SRPK2: variants seen among roughly 807,000 people sequenced by gnomAD.
The protein encoded by SRPK2 is SFRS protein kinase 2.
Under a neutral mutation model 90.8 loss-of-function variants are expected in SRPK2, and 21 were observed. That is an observed-to-expected ratio of 0.23 (90% CI 0.16 to 0.33). SRPK2 has a LOEUF of 0.33. SRPK2 is among the 10% of genes least tolerant of loss of function. SRPK2 has a pLI of 1.00. For synonymous variants in SRPK2, 288 were observed against 311.1 expected, an observed-to-expected ratio of 0.93 and a Z score of 0.78; for missense variants, 620 against 869.0, an observed-to-expected ratio of 0.71 and a Z score of 3.60.
intron 2 of SRPK2, among the ~76,000 whole-genome samples, chr7:105,338,031 A>G (rs1199121608): frequency 6.6e-6 from 1 of 151,848 alleles, no homozygotes; most frequent in Non-Finnish European, 1.5e-5. Flanking sequence ...TCAGTTTCTA[A>G]GTCTGAAGTT....
intron 2 of SRPK2, among the ~76,000 whole-genome samples, chr7:105,359,230 C>T (rs986096346): frequency 8.0e-5 from 11 of 136,696 alleles, no homozygotes; most frequent in African/African-American, 2.7e-4. Context: ...GCGATCTTGG[C>T]TCACTGCAAC....
chr7:105,293,669 C>T (rs1402404403), intron 2 of SRPK2, among the ~76,000 whole-genome samples: 12 of 152,076 alleles, frequency 7.9e-5, no homozygotes, highest in African/African-American at 1.4e-4. Context: ...ATCTACCCAC[C>T]TCAGCCTCCC....
intron 2 of SRPK2, among the ~76,000 whole-genome samples, chr7:105,296,974 C>G (rs1173297600): frequency 6.6e-6 from 1 of 152,142 alleles, no homozygotes; most frequent in East Asian, 1.9e-4. Context: ...CATACTGCCT[C>G]TCATAATATT....
upstream of SRPK2, chr7:105,389,138 G>A (rs1822045285): frequency 2.1e-6 from 2 of 959,582 alleles, no homozygotes; most frequent in Non-Finnish European, 2.4e-6. Flanking sequence ...CCCGCGGCCC[G>A]GGCCTCCGCC....
At position 105,370,681 on chromosome 7, in the gene SRPK2, T is replaced by C. The variant is rs2132436091; in HGVS notation, c.71+17967A>G. ...CCCAGGCTGGAGTGCAGTGGCACCA[T>C]CTCGGCTCACTGCAACCTCTGCCTC... On this transcript the variant is annotated intron_variant, in intron 2 of 15. Coordinates refer to ENST00000393651, the MANE Select transcript of SRPK2 (RefSeq NM_182692.3). Among the ~76,000 whole-genome samples the C allele has an allele frequency of 1.4e-5, 2 of 146,478 alleles. 1 individual carries two copies. Among genetic ancestry groups the C allele is most frequent in the African/African-American group, 5.0e-5 (2 of 40,030 alleles).
chr7:105,136,173 C>G (rs948357656), intron 11 of SRPK2, among the ~76,000 whole-genome samples: 4 of 152,222 alleles, frequency 2.6e-5, no homozygotes, highest in Non-Finnish European at 5.9e-5. Context: ...TAAACAGTTA[C>G]TTAGCTTCTG....
intron 2 of SRPK2, among the ~76,000 whole-genome samples, chr7:105,343,487 T>A (rs1344884265): frequency 6.6e-6 from 1 of 152,144 alleles, no homozygotes; most frequent in Non-Finnish European, 1.5e-5. Flanking sequence ...ACTTTAGCAG[T>A]AATGGAGTCT....
At chr7:105,290,733 G>C (rs1563199417) in intron 2 of SRPK2, among the ~76,000 whole-genome samples, 1 of 151,940 alleles carries the variant, frequency 6.6e-6, no homozygotes, top group Non-Finnish European at 1.5e-5. Context: ...AATTTAGAAT[G>C]ACTTTGCCAA....
At chr7:105,324,274 T>C (rs1372876659) in intron 2 of SRPK2, among the ~76,000 whole-genome samples, 3 of 151,920 alleles carry the variant, frequency 2.0e-5, no homozygotes, top group Admixed American at 6.6e-5. Context: ...CCCAAAGTGC[T>C]GGGATTACAG....
Position 105,303,262 on chromosome 7 carries a change from A to G in SRPK2, c.71+85386T>C, listed in dbSNP as rs373877945. On this transcript the variant is annotated intron_variant, in intron 2 of 15. Transcript: ENST00000393651. Reference sequence around the variant, plus strand: ...TCTCACTCATAGGTGGGAATTGAACAATGAGAACACTTGGACACAGGGCGG... The same window carrying G: ...TCTCACTCATAGGTGGGAATTGAACGATGAGAACACTTGGACACAGGGCGG... Among the ~76,000 whole-genome samples, 253 of 152,248 alleles carry G rather than the reference A, an allele frequency of 1.7e-3. 2 individuals carry two copies. The highest frequency in any genetic ancestry group is 3.1e-3 in the Non-Finnish European group (214 of 68,018).
intron 2 of SRPK2, among the ~76,000 whole-genome samples, chr7:105,387,475 T>C (rs947238643): frequency 3.9e-5 from 6 of 152,000 alleles, no homozygotes; most frequent in Non-Finnish European, 7.4e-5. Flanking sequence ...TTCAACTCTT[T>C]AGGAAGTGCT....
chr7:105,303,994 C>A (rs147769141), intron 2 of SRPK2, among the ~76,000 whole-genome samples: 1 of 152,182 alleles, frequency 6.6e-6, no homozygotes, highest in Non-Finnish European at 1.5e-5. Flanking sequence ...CAAAAGTTTT[C>A]ATTACGACCT....
At chr7:105,258,413 G>T (rs1803668517) in intron 2 of SRPK2, among the ~76,000 whole-genome samples, 1 of 59,504 alleles carries the variant, frequency 1.7e-5, no homozygotes, top group African/African-American at 8.4e-5. Flanking sequence ...GCGAAACTCG[G>T]TCTCAAAAAA....
Position 105,232,155 on chromosome 7 carries a change from C to A in SRPK2, c.72-28370G>T, listed in dbSNP as rs148262746. ...CAAGGCATGAGCCACCACACCCAGA[C>A]TAAAATTTATTTTTAAGATCAAGTT... On this transcript the variant is annotated intron_variant, in intron 2 of 15. Transcript: ENST00000393651. Among the ~76,000 whole-genome samples, 111 of 152,288 alleles carry A rather than the reference C, an allele frequency of 7.3e-4. 1 individual carries two copies. The highest frequency in any genetic ancestry group is 2.5e-3 in the African/African-American group (105 of 41,558).
At chr7:105,317,304 A>G (rs1223656607) in intron 2 of SRPK2, among the ~76,000 whole-genome samples, 1 of 152,230 alleles carries the variant, frequency 6.6e-6, no homozygotes, top group Admixed American at 6.5e-5. Context: ...TGCCAGGTTC[A>G]TGTAAGGATG....
intron 2 of SRPK2, among the ~76,000 whole-genome samples, chr7:105,295,837 T>C (rs1333482529): frequency 6.6e-6 from 1 of 152,188 alleles, no homozygotes. Flanking sequence ...TGGATAACAT[T>C]AGACACACAG....
At chr7:105,267,986 T>G (rs564907251) in intron 2 of SRPK2, among the ~76,000 whole-genome samples, 1 of 152,308 alleles carries the variant, frequency 6.6e-6, no homozygotes, top group East Asian at 1.9e-4. Flanking sequence ...AATCTCAATT[T>G]AAGACATCAT....
intron 2 of SRPK2, among the ~76,000 whole-genome samples, chr7:105,210,528 C>T (rs1448565673): frequency 2.6e-5 from 4 of 152,176 alleles, no homozygotes; most frequent in African/African-American, 9.7e-5. Flanking sequence ...CAGATAATTT[C>T]ATGTATTCCT....
intron 2 of SRPK2, among the ~76,000 whole-genome samples, chr7:105,226,112 C>T (rs1466262266): frequency 6.6e-6 from 1 of 152,024 alleles, no homozygotes; most frequent in African/African-American, 2.4e-5. Flanking sequence ...TAAAGACTTC[C>T]AAAATATATT....
Sources: gnomAD v4.1 joint callset for allele counts (sites outside exome capture counted in the v4.1 genomes callset) on GRCh38, gnomAD v4.1.1 for gene constraint, MANE v1.5 for transcripts, NCBI Gene and HGNC (gene_info 2026-07-23, HGNC 2026-07-21) for gene names.